The following ZNF845 variants were observed in gnomAD, a reference collection of about 807,000 sequenced individuals.
ZNF845 encodes the protein zinc finger protein 845.
A neutral mutation model predicts 76.1 loss-of-function variants in ZNF845; 59 were observed. The observed-to-expected ratio is 0.78, with a 90% CI of 0.63 to 0.96. ZNF845 has a LOEUF of 0.96. Ranked by LOEUF, ZNF845 falls within the 40% of genes least tolerant of loss-of-function variation. The probability of loss-of-function intolerance (pLI) is 0.00; values close to 1 mark genes in which losing one functional copy is unlikely to be tolerated. For missense variants in ZNF845, 1,045 were observed against 1,172.8 expected (o/e 0.89, Z 1.59); for synonymous variants, 361 against 386.9 (o/e 0.93, Z 0.78).
chr19:53,342,897 C>T (rs1279817170), intron 2 of ZNF845, among the ~76,000 whole-genome samples: 1 of 152,122 alleles, frequency 6.6e-6, no homozygotes, highest in Non-Finnish European at 1.5e-5. Context: ...CGGCTCACTG[C>T]AACCACTGCC....
chr19:53,351,274 C>G lies in ZNF845; in HGVS notation c.599C>G (p.Ser200Ter), dbSNP rs750958161. ...KNYGNNFLNS[S>*]LLTQKQEVHM... ...TATGGGAATAATTTCCTGAATTCTT[C>G]ATTACTCACACAAAAGCAGGAAGTA... The change falls in exon 4 of 4, where the codon TCA becomes TGA. Residue 200 changes from serine (S) to a stop codon, truncating the protein, a stop_gained. Coordinates refer to ENST00000458035, the MANE Select transcript of ZNF845 (RefSeq NM_138374.3). LOFTEE classifies it high-confidence loss of function. The G allele has an allele frequency of 1.2e-6, 2 of 1,614,108 alleles. No homozygotes were observed. Among genetic ancestry groups the G allele is most frequent in the African/African-American group, 1.3e-5 (1 of 74,940 alleles).
rs573446112 is a variant in ZNF845, at chr19:53,352,058, T to C, written c.1383T>C (p.His461=). 5 of 1,613,776 alleles carry C rather than the reference T, an allele frequency of 3.1e-6. No homozygotes were observed. The African/African-American group carries it at 5.3e-5, about 17-fold the overall frequency. ...ACCTTGAAAGACATAGGAGAATTCATACTGGAGAGAAACCTTACAAGTGTA... is the reference window on the plus strand; with the variant it reads ...ACCTTGAAAGACATAGGAGAATTCACACTGGAGAGAAACCTTACAAGTGTA... ...KSNLERHRRI[H]TGEKPYKCND... The change falls in exon 4 of 4, where the codon CAT becomes CAC. Residue 461 remains histidine (H), a synonymous_variant. Transcript: ENST00000458035.
chr19:53,344,344 C>T (rs996574596), intron 2 of ZNF845, among the ~76,000 whole-genome samples: 3 of 151,988 alleles, frequency 2.0e-5, no homozygotes, highest in Non-Finnish European at 4.4e-5. Context: ...TTGAGACCAA[C>T]CTGGCCAATA....
intron 3 of ZNF845, among the ~76,000 whole-genome samples, chr19:53,349,405 C>CA (rs1395262738): frequency 3.3e-5 from 5 of 151,656 alleles, no homozygotes; most frequent in Non-Finnish European, 5.9e-5. Context: ...GCTGAGACTA[C>CA]TGCCACCCGC....
intron 1 of ZNF845, among the ~76,000 whole-genome samples, chr19:53,337,964 G>T (rs565510273): frequency 2.0e-5 from 3 of 152,094 alleles, no homozygotes; most frequent in Non-Finnish European, 2.9e-5. Context: ...GCCTACCCGT[G>T]TGCTGGGATT....
Position 53,355,385 on chromosome 19 carries a change from C to T in ZNF845, c.*1797C>T, listed in dbSNP as rs560990199. On this transcript the variant is annotated 3_prime_UTR_variant, in exon 4 of 4. Transcript: ENST00000458035. ...TCAGCCTCCTGAGTAGCTGGGACTA[C>T]AGGCGCATGTCACCACACCTAGCTA... 2.0e-5 allele frequency: 3 copies of T among 152,034 alleles called. No individual in the cohort carries two copies. The highest frequency in any genetic ancestry group is 3.9e-4 in the East Asian group (2 of 5,160). The allele number at this position is 152,034 out of a possible 1,614,324, so 9.4% of individuals were successfully genotyped here. A position where few individuals can be genotyped will look rare whatever the true frequency, so the allele number is the denominator to read the frequency against.
intron 1 of ZNF845, among the ~76,000 whole-genome samples, chr19:53,339,528 C>T (rs966718381): frequency 3.9e-5 from 6 of 152,190 alleles, no homozygotes; most frequent in Admixed American, 1.3e-4. Flanking sequence ...GCAATTCTAT[C>T]GGTTTGCACC....
rs1417352276 is a variant in ZNF845, at chr19:53,356,774, A to AG, written c.*3186_*3187insG. 11 of 151,762 alleles carry AG rather than the reference A, an allele frequency of 7.2e-5. No individual in the cohort carries two copies. The highest frequency in any genetic ancestry group is 2.4e-4 in the African/African-American group (10 of 41,286). The allele number at this position is 151,762 out of a possible 1,614,324, so 9.4% of individuals were successfully genotyped here. A position where few individuals can be genotyped will look rare whatever the true frequency, so the allele number is the denominator to read the frequency against. Reference sequence around the variant, plus strand: ...GAAACCCCGTCTCTACTAAAAATACAAAAAATTAGCTGGGCGAGGTGGCAG... The same window carrying AG: ...GAAACCCCGTCTCTACTAAAAATACAGAAAAATTAGCTGGGCGAGGTGGCAG... On this transcript the variant is annotated 3_prime_UTR_variant, in exon 4 of 4. Coordinates refer to ENST00000458035, the MANE Select transcript of ZNF845 (RefSeq NM_138374.3).
intron 2 of ZNF845, among the ~76,000 whole-genome samples, chr19:53,342,297 A>C (rs1244605864): frequency 1.3e-5 from 2 of 151,890 alleles, no homozygotes; most frequent in Admixed American, 6.6e-5. Context: ...TTGCATTTTT[A>C]TTAGTGACGG....
Position 53,354,645 on chromosome 19 carries a change from GTTTTT to G in ZNF845, c.*1060_*1064del, listed in dbSNP as rs1459173494. 2 of 152,446 alleles carry G rather than the reference GTTTTT, an allele frequency of 1.3e-5. No homozygotes were observed. The highest frequency in any genetic ancestry group is 2.9e-5 in the Non-Finnish European group (2 of 68,270). 9.4% of individuals were successfully genotyped at this position (152,446 alleles called of 1,614,324 possible). A position where few individuals can be genotyped will look rare whatever the true frequency, so the allele number is the denominator to read the frequency against. ...TCAATATGGGTTGTATGTCTATTTAGTTTTTTTGATCAATGTAGATTTCAAGGTAC... is the reference window on the plus strand; with the variant it reads ...TCAATATGGGTTGTATGTCTATTTAGTTGATCAATGTAGATTTCAAGGTAC... On this transcript the variant is annotated 3_prime_UTR_variant, in exon 4 of 4. Coordinates refer to ENST00000458035, the MANE Select transcript of ZNF845 (RefSeq NM_138374.3).
At position 53,354,092 on chromosome 19, in the gene ZNF845, T is replaced by C. The variant is rs2085366770; in HGVS notation, c.*504T>C. 5.8e-6 allele frequency: 3 copies of C among 520,590 alleles called. No individual in the cohort carries two copies. The highest frequency in any genetic ancestry group is 1.1e-4 in the East Asian group (2 of 17,404). 32.2% of individuals were successfully genotyped at this position (520,590 alleles called of 1,614,324 possible). On this transcript the variant is annotated 3_prime_UTR_variant, in exon 4 of 4. Transcript: ENST00000458035. ...ATACAGGAGACAAACTTCACAAGTA[T>C]GATGATTGCAGCAAAGCCTTTACTT...
At chr19:53,340,885 G>A (rs1317953397) in intron 1 of ZNF845, 3 of 386,228 alleles carry the variant, frequency 7.8e-6, no homozygotes, top group Non-Finnish European at 1.4e-5. Context: ...CGTTCATGTG[G>A]GCTGTCCCTC....
intron 1 of ZNF845, among the ~76,000 whole-genome samples, chr19:53,335,815 T>G (rs1421049887): frequency 1.3e-5 from 2 of 152,054 alleles, no homozygotes; most frequent in Non-Finnish European, 2.9e-5. Flanking sequence ...TTGGTCAGGC[T>G]GGTCTCAAAC....
rs574386956 is a variant in ZNF845, at chr19:53,355,444, G to A, written c.*1856G>A. 8 of 151,710 alleles carry A rather than the reference G, an allele frequency of 5.3e-5. No individual in the cohort carries two copies. The South Asian group carries it at 1.0e-3, about 20-fold the overall frequency. 9.4% of individuals were successfully genotyped at this position (151,710 alleles called of 1,614,324 possible). The stretch of plus-strand genomic sequence containing the variant: ...ATTTTTTTTATTTTAGTAAAGACGG[G>A]GTTTCACCATGTTGGCCCAGATGGT... On this transcript the variant is annotated 3_prime_UTR_variant, in exon 4 of 4. Transcript: ENST00000458035.
intron 3 of ZNF845, among the ~76,000 whole-genome samples, chr19:53,349,399 A>G (rs1020757720): frequency 2.0e-5 from 3 of 150,744 alleles, no homozygotes; most frequent in African/African-American, 7.3e-5. Flanking sequence ...TGAGTAGCTG[A>G]GACTACTGCC....
chr19:53,336,677 T>G (rs2085217428), intron 1 of ZNF845, among the ~76,000 whole-genome samples: 1 of 150,036 alleles, frequency 6.7e-6, no homozygotes, highest in African/African-American at 2.4e-5. Flanking sequence ...GAGATAAATC[T>G]TAGTTTTAAA....
intron 1 of ZNF845, among the ~76,000 whole-genome samples, chr19:53,335,691 T>C (rs1486126792): frequency 6.6e-6 from 1 of 151,946 alleles, no homozygotes; most frequent in Admixed American, 6.6e-5. Context: ...AATTTCCGCT[T>C]CCCAGGTTCA....
intron 2 of ZNF845, among the ~76,000 whole-genome samples, chr19:53,342,151 G>A (rs1032311103): frequency 3.3e-5 from 5 of 151,220 alleles, no homozygotes; most frequent in East Asian, 3.9e-4. Flanking sequence ...GTCTTGCTTT[G>A]TCGCCCAGGC....
At chr19:53,341,912 T>C (rs1396952620) in intron 2 of ZNF845, among the ~76,000 whole-genome samples, 2 of 152,214 alleles carry the variant, frequency 1.3e-5, no homozygotes, top group East Asian at 3.9e-4. Flanking sequence ...TCAACCTGAA[T>C]CATAGCAGGA....
Sources: allele counts gnomAD v4.1 joint callset (sites outside exome capture counted in the v4.1 genomes callset), GRCh38; gene constraint gnomAD v4.1.1; transcripts MANE v1.5; gene names NCBI Gene and HGNC (gene_info 2026-07-23, HGNC 2026-07-21).